Variants in CRTAC1 observed in about 807,000 individuals in gnomAD.
CRTAC1 encodes cartilage acidic protein 1, also known as acidic secreted protein in cartilage.
In CRTAC1, 37 loss-of-function variants were observed where a neutral mutation model predicts 67.8. The observed-to-expected ratio is 0.55, with a 90% CI of 0.42 to 0.72. The LOEUF is 0.72. Among genes scored for constraint, CRTAC1 ranks in the 30% least tolerant of loss-of-function variants. The pLI, the probability that CRTAC1 is intolerant of heterozygous loss-of-function variation, is 0.00. For synonymous variants in CRTAC1, 348 were observed against 371.0 expected, an observed-to-expected ratio of 0.94 and a Z score of 0.71; for missense variants, 780 against 931.6, an observed-to-expected ratio of 0.84 and a Z score of 2.12.
intron 3 of CRTAC1, among the ~76,000 whole-genome samples, chr10:97,931,455 A>G (rs2051002754): frequency 6.6e-6 from 1 of 152,262 alleles, no homozygotes; most frequent in Non-Finnish European, 1.5e-5. Flanking sequence ...TCATCAATAG[A>G]GGACCAATTA....
intron 6 of CRTAC1, 77 bp downstream of exon 6, chr10:97,907,936 G>A: frequency 6.6e-7 from 1 of 1,516,724 alleles, no homozygotes; most frequent in Non-Finnish European, 9.1e-7. Context: ...ATCCTGGAGG[G>A]GGCAGGGCAG....
chr10:97,889,772 T>C (rs566394816), intron 11 of CRTAC1, among the ~76,000 whole-genome samples: 100 of 152,102 alleles, frequency 6.6e-4, no homozygotes, highest in Non-Finnish European at 1.3e-3. Flanking sequence ...GCGTGACTCA[T>C]GGAGGCAGGA....
chr10:97,902,061 C>CT (rs2050549108), intron 7 of CRTAC1, among the ~76,000 whole-genome samples: 1 of 152,198 alleles, frequency 6.6e-6, no homozygotes, highest in African/African-American at 2.4e-5. Flanking sequence ...GCCCTTTCTC[C>CT]TAGGCACCCT....
chr10:97,910,392 G>A lies in CRTAC1; in HGVS notation c.716-2245C>T, dbSNP rs137871126. ...GCAGTTGCAGGAATGTCACCTGGGA[G>A]CTTGCTAGAATTGCAGAATCTCAGG... On this transcript the variant is annotated intron_variant, in intron 5 of 14. Transcript: ENST00000370597. 2.1e-3 allele frequency among the ~76,000 whole-genome samples: 323 copies of A among 152,310 alleles called. 3 individuals carry two copies. Among genetic ancestry groups the A allele is most frequent in the African/African-American group, 7.5e-3 (311 of 41,576 alleles).
chr10:97,908,979 G>A (rs560315703), intron 5 of CRTAC1, among the ~76,000 whole-genome samples: 153 of 152,344 alleles, frequency 1.0e-3, no homozygotes, highest in African/African-American at 3.1e-3. Context: ...GGGAAGGAAA[G>A]AGAAACGATA....
At chr10:97,886,649 C>CT (rs34354595) in intron 11 of CRTAC1, among the ~76,000 whole-genome samples, 134,462 of 141,908 alleles carry the variant, frequency 0.95, 64,017 homozygotes, top group South Asian at 0.99. Flanking sequence ...TTTCTTTTTT[C>CT]TTTTTTTTTT....
At chr10:97,901,946 C>T (rs1430171629) in intron 7 of CRTAC1, among the ~76,000 whole-genome samples, 1 of 152,160 alleles carries the variant, frequency 6.6e-6, no homozygotes, top group African/African-American at 2.4e-5. Flanking sequence ...CAGACATTAG[C>T]CTTCCCATTT....
At chr10:97,973,952 G>A (rs1442100512) in intron 2 of CRTAC1, among the ~76,000 whole-genome samples, 1 of 126,662 alleles carries the variant, frequency 7.9e-6, no homozygotes, top group African/African-American at 3.1e-5. Context: ...CGCATTCTTT[G>A]TCTCATAAAA....
At chr10:97,962,890 C>G (rs185764552) in intron 2 of CRTAC1, among the ~76,000 whole-genome samples, 44 of 151,716 alleles carry the variant, frequency 2.9e-4, no homozygotes, top group Admixed American at 2.8e-3. Context: ...AAAACCAAAA[C>G]AAAAACAAAA....
At chr10:97,947,121 G>A (rs1175634774) in intron 2 of CRTAC1, among the ~76,000 whole-genome samples, 1 of 152,180 alleles carries the variant, frequency 6.6e-6, no homozygotes, top group Non-Finnish European at 1.5e-5. Flanking sequence ...CAGAATAGTT[G>A]GGGCAAGGAG....
intron 11 of CRTAC1, among the ~76,000 whole-genome samples, chr10:97,890,698 G>A (rs368661994): frequency 5.0e-4 from 71 of 142,696 alleles, no homozygotes; most frequent in African/African-American, 1.7e-3. Flanking sequence ...ACGGAGTTTC[G>A]CTTTTGTTGC....
chr10:97,980,763 G>A (rs184315009), intron 2 of CRTAC1, among the ~76,000 whole-genome samples: 71 of 152,296 alleles, frequency 4.7e-4, no homozygotes, highest in Non-Finnish European at 7.9e-4. Flanking sequence ...ATGACCCCAC[G>A]GAGGTGTCTA....
intron 2 of CRTAC1, among the ~76,000 whole-genome samples, chr10:97,998,484 G>T (rs1842627731): frequency 6.6e-6 from 1 of 152,056 alleles, no homozygotes; most frequent in South Asian, 2.1e-4. Flanking sequence ...CATCTGAAAA[G>T]AAACAATGGC....
chr10:97,922,323 T>C (rs1296020216), intron 4 of CRTAC1, among the ~76,000 whole-genome samples: 2 of 152,202 alleles, frequency 1.3e-5, no homozygotes, highest in Non-Finnish European at 2.9e-5. Context: ...GCACCTGCCT[T>C]CTCCCAAGGC....
At chr10:97,925,308 C>T (rs183594237) in intron 3 of CRTAC1, among the ~76,000 whole-genome samples, 6 of 151,988 alleles carry the variant, frequency 3.9e-5, no homozygotes, top group Admixed American at 2.0e-4. Flanking sequence ...AAAGCAAGTG[C>T]GTGAGAAAAA....
intron 5 of CRTAC1, among the ~76,000 whole-genome samples, chr10:97,917,229 G>A (rs1019644540): frequency 6.6e-6 from 1 of 152,190 alleles, no homozygotes; most frequent in African/African-American, 2.4e-5. Flanking sequence ...ATGATGTGGT[G>A]TTCTCACATC....
intron 2 of CRTAC1, among the ~76,000 whole-genome samples, chr10:97,994,147 G>A (rs1047710481): frequency 6.6e-6 from 1 of 152,166 alleles, no homozygotes; most frequent in Non-Finnish European, 1.5e-5. Flanking sequence ...ATGAGCCACC[G>A]CGCCTGGCCT....
intron 2 of CRTAC1, among the ~76,000 whole-genome samples, chr10:98,010,113 T>A (rs965039823): frequency 1.3e-5 from 2 of 151,892 alleles, no homozygotes; most frequent in Non-Finnish European, 2.9e-5. Flanking sequence ...CGTCTCGGCT[T>A]ACTGCAACCT....
At chr10:97,959,970 T>C (rs150200298) in intron 2 of CRTAC1, among the ~76,000 whole-genome samples, 3 of 152,362 alleles carry the variant, frequency 2.0e-5, no homozygotes, top group East Asian at 1.9e-4. Flanking sequence ...CCAGGGTTTT[T>C]ACTTGGGGCT....
Sources: allele counts gnomAD v4.1 joint callset (sites outside exome capture counted in the v4.1 genomes callset), GRCh38; gene constraint gnomAD v4.1.1; transcripts MANE v1.5; gene names NCBI Gene and HGNC (gene_info 2026-07-23, HGNC 2026-07-21).